The following SRRM3 variants were observed in gnomAD, a reference collection of about 807,000 sequenced individuals.
SRRM3 encodes the protein serine/arginine repetitive matrix protein 3.
Under a neutral mutation model 66.2 loss-of-function variants are expected in SRRM3, and 27 were observed. That is an observed-to-expected ratio of 0.41 (90% CI 0.30 to 0.56). The LOEUF (loss-of-function observed/expected upper bound fraction) is 0.56, where lower values mean the gene tolerates loss of function less well. SRRM3 is among the 20% of genes least tolerant of loss of function. The pLI is 0.32. For missense variants in SRRM3, 918 were observed against 991.9 expected, an observed-to-expected ratio of 0.93 and a Z score of 1.00; for synonymous variants, 391 against 414.9, an observed-to-expected ratio of 0.94 and a Z score of 0.70.
In SRRM3 at chr7:76,285,721, G is replaced by A. The variant is rs888739251; in HGVS notation, c.1840G>A (p.Gly614Ser). 24 of 1,550,760 alleles carry A rather than the reference G, an allele frequency of 1.5e-5. No individual in the cohort carries two copies. In the East Asian group the frequency reaches 2.0e-4, roughly 13 times the overall value. The stretch of plus-strand genomic sequence containing the variant: ...GAGCCACAGCCGCAGCCCCAGCCCC[G>A]GCCACAGCCACGGGAGCTACAGCAG... Reference protein sequence around the residue: ...TRSHSRSPSPGHSHGSYSSRS... With the variant: ...TRSHSRSPSPSHSHGSYSSRS... Residue 614 changes from glycine (G) to serine (S), a missense_variant, in exon 15 of 15, where the codon GGC becomes AGC. By Grantham distance (56) the Gly-to-Ser change is moderately conservative. Coordinates refer to ENST00000611745, the MANE Select transcript of SRRM3 (RefSeq NM_001110199.3). This position sits in a 1 kb window ranked among gnomAD's most constrained non-coding sequence, Gnocchi z 4.1.
At chr7:76,281,262 G>GTCTC (rs1236512550) in intron 11 of SRRM3, among the ~76,000 whole-genome samples, 179 bp from the exon 12 acceptor site, 1 of 143,940 alleles carries the variant, frequency 6.9e-6, no homozygotes, top group South Asian at 2.2e-4. Context: ...CTGTCTCTCT[G>GTCTC]TCTCTCTCTC....
At chr7:76,202,568 A>C (rs919328170) in intron 1 of SRRM3, among the ~76,000 whole-genome samples, 1 of 152,276 alleles carries the variant, frequency 6.6e-6, no homozygotes, top group South Asian at 2.1e-4. Flanking sequence ...GGAGCTGGCA[A>C]GGAGAACTGG....
chr7:76,243,683 G>C (rs1554605859), intron 2 of SRRM3, among the ~76,000 whole-genome samples: 2 of 152,132 alleles, frequency 1.3e-5, no homozygotes, highest in Non-Finnish European at 2.9e-5. Context: ...CCCACAAGCA[G>C]CTGGGGAATG....
chr7:76,261,227 T>C (rs1801855103), intron 6 of SRRM3, 125 bp from the exon 7 acceptor site: 5 of 787,514 alleles, frequency 6.3e-6, no homozygotes, highest in Non-Finnish European at 1.0e-5. Context: ...ACAAGGGACC[T>C]TGGGCTTCCT....
At chr7:76,282,619 C>T in intron 12 of SRRM3, 29 bp from the exon 13 acceptor site, 9 of 1,295,458 alleles carry the variant, frequency 6.9e-6, no homozygotes, top group Admixed American at 3.3e-5. Flanking sequence ...GGTCGCTGAG[C>T]CCTATCCCGC....
intron 2 of SRRM3, among the ~76,000 whole-genome samples, chr7:76,246,709 C>T (rs1801453254): frequency 6.6e-6 from 1 of 152,116 alleles, no homozygotes; most frequent in African/African-American, 2.4e-5. Context: ...CTGGGGACCC[C>T]GGGATGACAT....
chr7:76,249,284 G>A (rs1801514288), intron 3 of SRRM3, among the ~76,000 whole-genome samples: 1 of 151,968 alleles, frequency 6.6e-6, no homozygotes, highest in South Asian at 2.1e-4. Context: ...TACTCAGGGA[G>A]CTGAGACACG....
At chr7:76,283,440 G>T in intron 14 of SRRM3, 1 of 498,784 alleles carries the variant, frequency 2.0e-6, no homozygotes, top group Non-Finnish European at 3.9e-6. Flanking sequence ...CTCTGCAAGA[G>T]TCCCGCCATC....
intron 12 of SRRM3, 60 bp downstream of exon 12, chr7:76,281,862 A>G (rs1297503498): frequency 1.0e-4 from 89 of 860,820 alleles, no homozygotes; most frequent in African/African-American, 1.3e-4. Context: ...GCTCCCCTCC[A>G]CTAGCGGATC....
At chr7:76,270,032 C>T (rs1013650591) in intron 11 of SRRM3, 1 of 151,968 alleles carries the variant, frequency 6.6e-6, no homozygotes, top group Non-Finnish European at 1.5e-5. Context: ...TCAGCAGCGG[C>T]AGCAAATCCT....
At chr7:76,215,391 G>A (rs764135395) in intron 1 of SRRM3, among the ~76,000 whole-genome samples, 6 of 139,306 alleles carry the variant, frequency 4.3e-5, no homozygotes, top group East Asian at 2.1e-4. Flanking sequence ...TTAGGAGCCC[G>A]CAGTTTTTTT....
In SRRM3 at chr7:76,281,500, GC is replaced by G; in HGVS notation, c.1071del (p.Ala358ArgfsTer241). ...AGGCGGCGGCCGCCGCACCCACGCC[GC>G]CCGCGCGGGGGAAGGAGAGCCCGAG... ...DKAAAAAPTP[P>X]ARGKESPSPR... On this transcript the variant is annotated frameshift_variant, in exon 12 of 15. Transcript: ENST00000611745. LOFTEE classifies it high-confidence loss of function. The G allele has an allele frequency of 1.6e-6, 2 of 1,218,728 alleles. No homozygotes were observed. Among genetic ancestry groups the G allele is most frequent in the Non-Finnish European group, 1.0e-6 (1 of 976,120 alleles). 75.5% of individuals were successfully genotyped at this position (1,218,728 alleles called of 1,614,324 possible). A position where few individuals can be genotyped will look rare whatever the true frequency, so the allele number is the denominator to read the frequency against.
At position 76,287,029 on chromosome 7, in the gene SRRM3, G is replaced by T. The variant is rs1374034001; in HGVS notation, c.*1186G>T. On this transcript the variant is annotated 3_prime_UTR_variant, in exon 15 of 15. Transcript: ENST00000611745. ...CCCTCAGAAGGGAGGGGAGGAAAGA[G>T]ACTGAGGGCCCTGGCCTGGGGCGTC... The T allele has an allele frequency of 6.5e-6, 1 of 152,676 alleles. No homozygotes were observed. Among genetic ancestry groups the T allele is most frequent in the East Asian group, 1.9e-4 (1 of 5,174 alleles). 9.5% of individuals were successfully genotyped at this position (152,676 alleles called of 1,614,324 possible). A position where few individuals can be genotyped will look rare whatever the true frequency, so the allele number is the denominator to read the frequency against.
intron 3 of SRRM3, among the ~76,000 whole-genome samples, chr7:76,256,858 C>T (rs545095723): frequency 1.6e-4 from 25 of 151,716 alleles, no homozygotes; most frequent in Non-Finnish European, 2.4e-4. Context: ...TACAGGTGTG[C>T]GCCACCACGC....
chr7:76,286,102 GT>G lies in SRRM3; in HGVS notation c.*261del. On this transcript the variant is annotated 3_prime_UTR_variant, in exon 15 of 15. Transcript: ENST00000611745. ...CACTGTGCCCGGGGAACAAAGAGCC[GT>G]TACGAACACAGGAATCTCCCCATCC... 1 of 561,254 alleles carries G rather than the reference GT, an allele frequency of 1.8e-6. No individual in the cohort carries two copies. The highest frequency in any genetic ancestry group is 3.3e-6 in the Non-Finnish European group (1 of 307,216). The allele number at this position is 561,254 out of a possible 1,614,324, so 34.8% of individuals were successfully genotyped here.
chr7:76,257,794 A>C (rs1438763739), intron 3 of SRRM3, among the ~76,000 whole-genome samples: 2 of 151,970 alleles, frequency 1.3e-5, no homozygotes, highest in Non-Finnish European at 2.9e-5. Flanking sequence ...AAAAAATAAA[A>C]AATAAACTGC....
intron 11 of SRRM3, among the ~76,000 whole-genome samples, chr7:76,271,399 C>T (rs1554610522): frequency 6.6e-6 from 1 of 152,132 alleles, no homozygotes; most frequent in African/African-American, 2.4e-5. Context: ...ATCACTTGAG[C>T]TCAGGAGTCC....
chr7:76,276,148 G>A (rs1378582259), intron 11 of SRRM3, among the ~76,000 whole-genome samples: 2 of 152,014 alleles, frequency 1.3e-5, no homozygotes, highest in Non-Finnish European at 2.9e-5. Context: ...TCATAAAAAG[G>A]AGAGGAGGGG....
rs375946938 is a variant in SRRM3, at chr7:76,235,071, C to T, written c.5C>T (p.Ser2Phe). The change falls in exon 2 of 15, where the codon TCC becomes TTC. Residue 2 changes from serine to phenylalanine, a missense_variant. Transcript: ENST00000611745. M[S>F]STVNNGAASM... ...GCGGCTCCAGGGCCAGCCACGATGT[C>T]CTCCACCGTGAACAACGGGGCGGCC... 8.2e-4 allele frequency: 1,286 copies of T among 1,574,874 alleles called. No individual in the cohort carries two copies. The highest frequency in any genetic ancestry group is 1.0e-3 in the Non-Finnish European group (1,208 of 1,165,240).
Sources: allele counts gnomAD v4.1 joint callset (sites outside exome capture counted in the v4.1 genomes callset), GRCh38; gene constraint gnomAD v4.1.1; non-coding constraint Gnocchi (gnomAD v3.1); transcripts MANE v1.5; gene names NCBI Gene and HGNC (gene_info 2026-07-23, HGNC 2026-07-21).